The following CDH8 variants were observed in gnomAD, a reference collection of about 807,000 sequenced individuals.
CDH8 encodes cadherin-8.
CDH8 carries 17 observed loss-of-function variants against 68.1 expected under a neutral mutation model. That is an observed-to-expected ratio of 0.25 (90% CI 0.17 to 0.37). CDH8 has a LOEUF of 0.37. Among genes scored for constraint, CDH8 ranks in the 10% least tolerant of loss-of-function variants. CDH8 has a pLI of 1.00. For synonymous variants in CDH8, 372 were observed against 365.1 expected, an observed-to-expected ratio of 1.02 and a Z score of -0.21; for missense variants, 763 against 999.3, an observed-to-expected ratio of 0.76 and a Z score of 3.19.
At chr16:61,853,617 A>G (rs1408653592) in intron 4 of CDH8, among the ~76,000 whole-genome samples, 1 of 152,018 alleles carries the variant, frequency 6.6e-6, no homozygotes, top group East Asian at 1.9e-4. Flanking sequence ...TTTCGAACCC[A>G]TCTATGCTGG....
At chr16:61,956,958 C>T (rs536784806) in intron 2 of CDH8, among the ~76,000 whole-genome samples, 8 of 152,214 alleles carry the variant, frequency 5.3e-5, no homozygotes, top group South Asian at 2.1e-4. Context: ...AAAATGCAGA[C>T]GCTTCATTAA....
At chr16:61,999,731 C>T (rs2150595585) in intron 2 of CDH8, among the ~76,000 whole-genome samples, 1 of 151,824 alleles carries the variant, frequency 6.6e-6, no homozygotes, top group East Asian at 1.9e-4. Flanking sequence ...ATATTGTGCT[C>T]ACTGGGGCAT....
chr16:61,859,846 G>C (rs1402178009), intron 3 of CDH8, among the ~76,000 whole-genome samples: 4 of 152,068 alleles, frequency 2.6e-5, no homozygotes, highest in Non-Finnish European at 4.4e-5. Flanking sequence ...CCTCACAAGA[G>C]ATTAGGTGCT....
At chr16:61,720,746 G>A (rs1436498374) in intron 9 of CDH8, among the ~76,000 whole-genome samples, 1 of 150,606 alleles carries the variant, frequency 6.6e-6, no homozygotes, top group Non-Finnish European at 1.5e-5. Flanking sequence ...AATTATCACA[G>A]GAATAGTTAT....
chr16:61,659,152 C>A (rs147860284), intron 10 of CDH8, among the ~76,000 whole-genome samples: 18 of 152,224 alleles, frequency 1.2e-4, no homozygotes, highest in African/African-American at 4.3e-4. Flanking sequence ...AGAAAAGGAG[C>A]TCTACAGATG....
At chr16:61,843,021 G>C (rs1962721490) in intron 4 of CDH8, among the ~76,000 whole-genome samples, 1 of 152,066 alleles carries the variant, frequency 6.6e-6, no homozygotes, top group Non-Finnish European at 1.5e-5. Flanking sequence ...GGACCTGCTG[G>C]AGGTGGATGG....
At chr16:61,855,603 G>C (rs1963028709) in intron 4 of CDH8, among the ~76,000 whole-genome samples, 1 of 152,106 alleles carries the variant, frequency 6.6e-6, no homozygotes, top group African/African-American at 2.4e-5. Flanking sequence ...AGTGGCAATG[G>C]TGAACAAAAA....
chr16:61,887,246 G>T (rs1451902058), intron 3 of CDH8, among the ~76,000 whole-genome samples: 3 of 152,044 alleles, frequency 2.0e-5, no homozygotes, highest in Non-Finnish European at 4.4e-5. Flanking sequence ...GATTGTCCAT[G>T]AACACATTTT....
intron 8 of CDH8, among the ~76,000 whole-genome samples, chr16:61,729,876 G>GA (rs1265228373): frequency 8.6e-5 from 13 of 151,342 alleles, no homozygotes; most frequent in African/African-American, 3.1e-4. Context: ...CTTCTGAAGT[G>GA]AAAAAATTGC....
At chr16:61,680,871 A>C (rs1040728988) in intron 10 of CDH8, among the ~76,000 whole-genome samples, 1 of 152,014 alleles carries the variant, frequency 6.6e-6, no homozygotes, top group Non-Finnish European at 1.5e-5. Context: ...GAAAGAACAA[A>C]TAAATGTGCC....
chr16:61,841,764 C>T (rs1158084759), intron 4 of CDH8, among the ~76,000 whole-genome samples: 1 of 152,146 alleles, frequency 6.6e-6, no homozygotes, highest in Non-Finnish European at 1.5e-5. Flanking sequence ...TGTATCAAAA[C>T]ACCTCATATA....
chr16:61,724,992 C>T (rs982428753), intron 9 of CDH8, among the ~76,000 whole-genome samples: 2 of 150,788 alleles, frequency 1.3e-5, no homozygotes, highest in Non-Finnish European at 3.0e-5. Flanking sequence ...GTTGTTTCAA[C>T]AACAGCATGT....
chr16:61,714,786 G>A (rs1467339937), intron 9 of CDH8, among the ~76,000 whole-genome samples: 2 of 151,614 alleles, frequency 1.3e-5, no homozygotes, highest in Non-Finnish European at 3.0e-5. Context: ...AAGTTTGAAT[G>A]TATACTCCTA....
At chr16:61,828,100 C>T (rs1372444331) in intron 4 of CDH8, among the ~76,000 whole-genome samples, 3 of 151,798 alleles carry the variant, frequency 2.0e-5, no homozygotes, top group African/African-American at 4.8e-5. Flanking sequence ...GCTGATAAAA[C>T]AGGTTGCAGT....
intron 8 of CDH8, among the ~76,000 whole-genome samples, chr16:61,761,461 GA>G (rs1180832422): frequency 3.3e-5 from 5 of 152,102 alleles, no homozygotes; most frequent in Non-Finnish European, 5.9e-5. Context: ...ATTGGAAAAG[GA>G]AGTTCATCCA....
At chr16:61,894,663 G>A (rs1263351838) in intron 3 of CDH8, among the ~76,000 whole-genome samples, 1 of 152,090 alleles carries the variant, frequency 6.6e-6, no homozygotes, top group African/African-American at 2.4e-5. Flanking sequence ...AATAGTATGT[G>A]TTTTCTATGA....
intron 10 of CDH8, among the ~76,000 whole-genome samples, chr16:61,699,864 C>G (rs1964390207): frequency 6.6e-6 from 1 of 152,206 alleles, no homozygotes; most frequent in South Asian, 2.1e-4. Flanking sequence ...GCATGAGCCA[C>G]CGTGCCCGGC....
chr16:61,674,451 C>T (rs965933616), intron 10 of CDH8, among the ~76,000 whole-genome samples: 5 of 96,558 alleles, frequency 5.2e-5, no homozygotes, highest in African/African-American at 3.0e-4. Context: ...AAGACTCCAA[C>T]TCACAAAAAA....
chr16:61,820,930 C>T lies in CDH8; in HGVS notation c.1019G>A (p.Arg340Lys). ...ACAAAAGCTTCCTTAGCTTACTTTT[C>T]TTAGCCTTATAATGCCATCCTGGGC... ...AQAQDGIIRL[R>K]KPLDFETKKS... Residue 340 changes from arginine to lysine, a missense_variant, in exon 6 of 12, where the codon AGA becomes AAA. Transcript: ENST00000577390. 1 of 1,609,320 alleles carries T rather than the reference C, an allele frequency of 6.2e-7. No homozygotes were observed. Among genetic ancestry groups the T allele is most frequent in the East Asian group, 2.2e-5 (1 of 44,786 alleles).
Sources: gnomAD v4.1 joint callset for allele counts (sites outside exome capture counted in the v4.1 genomes callset) on GRCh38, gnomAD v4.1.1 for gene constraint, MANE v1.5 for transcripts, NCBI Gene and HGNC (gene_info 2026-07-23, HGNC 2026-07-21) for gene names.